The following TRIM62 variants were observed in gnomAD, a reference collection of about 807,000 sequenced individuals.
TRIM62 encodes the protein E3 ubiquitin-protein ligase TRIM62.
Under a neutral mutation model 44.2 loss-of-function variants are expected in TRIM62, and 39 were observed. That is an observed-to-expected ratio of 0.88 (90% CI 0.68 to 1.15). The LOEUF is 1.15. TRIM62 is among the 50% of genes most tolerant of loss of function. TRIM62 has a pLI of 0.00. For synonymous variants in TRIM62, 278 were observed against 292.3 expected (o/e 0.95, Z 0.50); for missense variants, 544 against 665.5 (o/e 0.82, Z 2.01).
At chr1:33,162,624 G>T (rs1645284105) in intron 2 of TRIM62, among the ~76,000 whole-genome samples, 1 of 152,212 alleles carries the variant, frequency 6.6e-6, no homozygotes, top group African/African-American at 2.4e-5. Flanking sequence ...CGTAGAGCTG[G>T]GTGCAGGCTC....
intron 4 of TRIM62, 32 bp downstream of exon 4, chr1:33,158,221 C>T: frequency 1.9e-6 from 3 of 1,597,474 alleles, no homozygotes; most frequent in Non-Finnish European, 2.6e-6. Context: ...CATGCCCCAC[C>T]TAGCTCTGGA....
chr1:33,180,768 C>T (rs1645453710), intron 1 of TRIM62, among the ~76,000 whole-genome samples: 1 of 152,254 alleles, frequency 6.6e-6, no homozygotes, highest in Non-Finnish European at 1.5e-5. Flanking sequence ...AACCGCGGAC[C>T]AGCCGGTACT....
chr1:33,175,193 G>A (rs1340608035), intron 1 of TRIM62, among the ~76,000 whole-genome samples: 2 of 149,620 alleles, frequency 1.3e-5, no homozygotes, highest in Non-Finnish European at 2.9e-5. Flanking sequence ...TGTGTGCCAC[G>A]AATGCCCAGC....
intron 4 of TRIM62, among the ~76,000 whole-genome samples, chr1:33,156,242 A>G (rs1402407238): frequency 6.6e-6 from 1 of 152,128 alleles, no homozygotes; most frequent in Admixed American, 6.5e-5. Flanking sequence ...TTCTATCATA[A>G]AAAACAGCAC....
In TRIM62 at chr1:33,177,178, G is replaced by A. The variant is rs1570339239; in HGVS notation, c.408+3847C>T. On this transcript the variant is annotated intron_variant, in intron 1 of 4. Transcript: ENST00000291416. The surrounding 1 kb of genome is among the most constrained non-coding windows in gnomAD (Gnocchi z 4.1). ...AGGTTACATAAAAATCCTTAGAACT[G>A]TATAGTAACTCCTGCCATGTTTCAT... Among the ~76,000 whole-genome samples, 1 of 152,132 alleles carries A rather than the reference G, an allele frequency of 6.6e-6. No individual in the cohort carries two copies. The highest frequency in any genetic ancestry group is 2.4e-5 in the African/African-American group (1 of 41,426).
chr1:33,153,015 A>G (rs74995111), intron 4 of TRIM62, among the ~76,000 whole-genome samples: 1,892 of 123,650 alleles, frequency 0.015, 36 homozygotes, highest in African/African-American at 0.054. Context: ...AGAGCTTCCT[A>G]ATGTTAGGCT....
chr1:33,169,445 C>A (rs899961858), intron 1 of TRIM62, among the ~76,000 whole-genome samples: 11 of 152,220 alleles, frequency 7.2e-5, no homozygotes, highest in African/African-American at 2.7e-4. Flanking sequence ...AGGCTCCTCC[C>A]TGCCTCTAGC....
At chr1:33,154,045 G>A (rs920620360) in intron 4 of TRIM62, among the ~76,000 whole-genome samples, 1 of 152,240 alleles carries the variant, frequency 6.6e-6, no homozygotes, top group African/African-American at 2.4e-5. Context: ...AGGAGAGTAA[G>A]AGTTGGCCAT....
intron 2 of TRIM62, chr1:33,163,649 C>T (rs1001691132): frequency 1.3e-5 from 2 of 152,272 alleles, no homozygotes; most frequent in South Asian, 2.1e-4. Context: ...GTGCTGGGGC[C>T]CTTTCAGAAA....
rs977027308 is a variant in TRIM62 at position 33,181,650 on chromosome 1, C to T, written c.-218G>A. 16 of 822,376 alleles carry T rather than the reference C, an allele frequency of 1.9e-5. No individual in the cohort carries two copies. The highest frequency in any genetic ancestry group is 6.1e-5 in the East Asian group (2 of 33,030). 50.9% of individuals were successfully genotyped at this position (822,376 alleles called of 1,614,324 possible). A position where few individuals can be genotyped will look rare whatever the true frequency, so the allele number is the denominator to read the frequency against. ...TCCGTGGGACGCCAGCCCGGGAGGG[C>T]AGTCTAGAGGTAGTGGGCAGCTCAA... On this transcript the variant is annotated 5_prime_UTR_variant, in exon 1 of 5. Coordinates refer to ENST00000291416, the MANE Select transcript of TRIM62 (RefSeq NM_018207.3). This position sits in a 1 kb window ranked among gnomAD's most constrained non-coding sequence, Gnocchi z 6.5.
intron 4 of TRIM62, among the ~76,000 whole-genome samples, chr1:33,148,940 G>A (rs372827791): frequency 5.3e-5 from 8 of 152,210 alleles, no homozygotes; most frequent in African/African-American, 1.4e-4. Flanking sequence ...GCAATCTAGC[G>A]CCAGTCCTTT....
At chr1:33,150,232 G>A (rs535797752) in intron 4 of TRIM62, among the ~76,000 whole-genome samples, 1 of 152,348 alleles carries the variant, frequency 6.6e-6, no homozygotes, top group South Asian at 2.1e-4. Flanking sequence ...TGGACATCCA[G>A]CTCTCTGGCT....
intron 1 of TRIM62, among the ~76,000 whole-genome samples, chr1:33,178,160 C>T (rs779447412): frequency 2.0e-4 from 30 of 152,328 alleles, no homozygotes; most frequent in South Asian, 4.1e-4. Context: ...CCTCCCTCTC[C>T]CTCTCCTGTT....
Position 33,159,136 on chromosome 1 carries a change from T to G in TRIM62, c.761+552A>C, listed in dbSNP as rs562123793. Reference sequence around the variant, plus strand: ...CTGGGATTACAGGTGTGAGCCACCGTGCCCAGCAGGAGCCTCAGTTTCTAC... The same window carrying G: ...CTGGGATTACAGGTGTGAGCCACCGGGCCCAGCAGGAGCCTCAGTTTCTAC... On this transcript the variant is annotated intron_variant, in intron 3 of 4. Coordinates refer to ENST00000291416, the MANE Select transcript of TRIM62 (RefSeq NM_018207.3). The surrounding 1 kb of genome is among the most constrained non-coding windows in gnomAD (Gnocchi z 4.2). Among the ~76,000 whole-genome samples the G allele has an allele frequency of 6.6e-6, 1 of 152,170 alleles. No individual in the cohort carries two copies. Among genetic ancestry groups the G allele is most frequent in the Non-Finnish European group, 1.5e-5 (1 of 68,000 alleles).
chr1:33,174,116 C>G (rs984811502), intron 1 of TRIM62, among the ~76,000 whole-genome samples: 1 of 149,556 alleles, frequency 6.7e-6, no homozygotes, highest in African/African-American at 2.5e-5. Flanking sequence ...TCTTTTCCCC[C>G]CTTTCTTCTT....
In TRIM62 at chr1:33,165,688, T is replaced by C; in HGVS notation, c.409-122A>G. On this transcript the variant is annotated intron_variant, in intron 1 of 4. Coordinates refer to ENST00000291416, the MANE Select transcript of TRIM62 (RefSeq NM_018207.3). The surrounding 1 kb of genome is among the most constrained non-coding windows in gnomAD (Gnocchi z 4.0). The stretch of plus-strand genomic sequence containing the variant: ...CTGTCCCCAACCTCCAACACTTGCC[T>C]CCCGTCACAGTTCAACCACCAGCAA... 1.3e-6 allele frequency: 1 copy of C among 753,316 alleles called. No homozygotes were observed. Among genetic ancestry groups the C allele is most frequent in the Non-Finnish European group, 2.0e-6 (1 of 499,376 alleles). 46.7% of individuals were successfully genotyped at this position (753,316 alleles called of 1,614,324 possible).
At chr1:33,158,726 A>G (rs1011582972) in intron 3 of TRIM62, among the ~76,000 whole-genome samples, 2 of 152,192 alleles carry the variant, frequency 1.3e-5, no homozygotes, top group Non-Finnish European at 2.9e-5. Flanking sequence ...TGTTATTACT[A>G]CTAAGGGAAG....
intron 4 of TRIM62, among the ~76,000 whole-genome samples, chr1:33,156,003 G>A (rs764418218): frequency 2.0e-5 from 3 of 152,086 alleles, no homozygotes; most frequent in Non-Finnish European, 2.9e-5. Flanking sequence ...TCCCCCAAGC[G>A]CCCACCACTG....
chr1:33,171,939 G>A (rs746854916), intron 1 of TRIM62, among the ~76,000 whole-genome samples: 50 of 151,916 alleles, frequency 3.3e-4, no homozygotes, highest in Admixed American at 9.8e-4. Flanking sequence ...CCGACACCAC[G>A]CCTGGCTAAT....
Sources: gnomAD v4.1 joint callset for allele counts (sites outside exome capture counted in the v4.1 genomes callset) on GRCh38, gnomAD v4.1.1 for gene constraint, Gnocchi (gnomAD v3.1) non-coding constraint, MANE v1.5 for transcripts, NCBI Gene and HGNC (gene_info 2026-07-23, HGNC 2026-07-21) for gene names.